EPHA8: variants seen among roughly 807,000 people sequenced by gnomAD.
The protein encoded by EPHA8 is ephrin type-A receptor 8.
In EPHA8, 58 loss-of-function variants were observed where a neutral mutation model predicts 103.6. The ratio of observed to expected loss-of-function variants is 0.56; its 90% CI spans 0.45 to 0.70. The LOEUF (loss-of-function observed/expected upper bound fraction) is 0.70, where lower values mean the gene tolerates loss of function less well. Ranked by LOEUF, EPHA8 falls within the 30% of genes least tolerant of loss-of-function variation. The pLI, the probability that EPHA8 is intolerant of heterozygous loss-of-function variation, is 0.00. For synonymous variants in EPHA8, 559 were observed against 572.5 expected, an observed-to-expected ratio of 0.98 and a Z score of 0.34; for missense variants, 1,304 against 1,395.2, an observed-to-expected ratio of 0.93 and a Z score of 1.04.
intron 13 of EPHA8, 93 bp from the exon 14 acceptor site, chr1:22,600,568 C>A: frequency 6.6e-7 from 1 of 1,518,212 alleles, no homozygotes; most frequent in Non-Finnish European, 8.9e-7. Flanking sequence ...GACTGGAAAA[C>A]AGGACCCCAG....
In EPHA8 at chr1:22,569,375, C is replaced by T. The variant is rs1187818148; in HGVS notation, c.159+22C>T. On this transcript the variant is annotated intron_variant, in intron 2 of 16. Transcript: ENST00000166244. The surrounding 1 kb of genome is among the most constrained non-coding windows in gnomAD (Gnocchi z 4.5). ...TGGGGTGAGTGATGGGCACTGGGGA[C>T]AACGTCATCCCTCTGTGAGCAGAGA... The T allele has an allele frequency of 6.4e-7, 1 of 1,568,366 alleles. No homozygotes were observed. Among genetic ancestry groups the T allele is most frequent in the Non-Finnish European group, 8.6e-7 (1 of 1,158,222 alleles).
intron 3 of EPHA8, among the ~76,000 whole-genome samples, chr1:22,579,073 G>T (rs1473287631): frequency 7.7e-6 from 1 of 129,272 alleles, no homozygotes; most frequent in Non-Finnish European, 1.7e-5. Flanking sequence ...ATGCATGTGT[G>T]TGCATGTGTA....
In EPHA8 at chr1:22,593,124, A is replaced by T. The variant is rs565038490; in HGVS notation, c.1316-202A>T. ...ATCCCAGACCATGCCAGGCCACGCC[A>T]ACCCCAGGGGACTGACCCCAAGTGG... is the stretch of plus-strand genomic sequence containing the variant. On this transcript the variant is annotated intron_variant, in intron 5 of 16. Coordinates refer to ENST00000166244, the MANE Select transcript of EPHA8 (RefSeq NM_020526.5). Among the ~76,000 whole-genome samples the T allele has an allele frequency of 4.6e-5, 7 of 152,260 alleles. No homozygotes were observed. In the East Asian group the frequency reaches 1.2e-3, roughly 25 times the overall value.
At chr1:22,593,238 A>AGG in intron 5 of EPHA8, 88 bp from the exon 6 acceptor site, 1 of 1,500,968 alleles carries the variant, frequency 6.7e-7, no homozygotes, top group Non-Finnish European at 9.0e-7. Context: ...GGCTGGAACC[A>AGG]GGATCCCCAG....
At position 22,593,660 on chromosome 1, in the gene EPHA8, C is replaced by A; in HGVS notation, c.1577C>A (p.Ala526Asp). Residue 526 changes from alanine to aspartate, a missense_variant, in exon 7 of 17, where the codon GCC (alanine) becomes GAC (aspartate). Physicochemically the swap from Ala to Asp is moderately radical, Grantham distance 126 (BLOSUM62 -2). Transcript: ENST00000166244. ...TSAGCGRFSQ[A>D]MEVETGKPRP... ...GCAGGCTGTGGCCGCTTCAGCCAGG[C>A]CATGGAGGTGGAGACCGGGAAACCC... The A allele has an allele frequency of 6.2e-7, 1 of 1,602,598 alleles. No homozygotes were observed. The highest frequency in any genetic ancestry group is 8.5e-7 in the Non-Finnish European group (1 of 1,174,884).
intron 4 of EPHA8, among the ~76,000 whole-genome samples, chr1:22,587,390 C>CGT (rs368238363): frequency 2.0e-5 from 3 of 152,088 alleles, no homozygotes; most frequent in Admixed American, 6.5e-5. Flanking sequence ...GAGCTCAGCA[C>CGT]GTGTGTGTGT....
intron 2 of EPHA8, among the ~76,000 whole-genome samples, chr1:22,571,413 C>A (rs1009365895): frequency 6.6e-6 from 1 of 152,182 alleles, no homozygotes; most frequent in Non-Finnish European, 1.5e-5. Context: ...CATCATCAAG[C>A]AGGTTCCAGC....
chr1:22,588,618 C>T (rs608707), intron 4 of EPHA8, among the ~76,000 whole-genome samples: 6,696 of 141,148 alleles, frequency 0.047, 552 homozygotes, highest in African/African-American at 0.17. Context: ...TCATGGTGGT[C>T]CTGATGGGTG....
At chr1:22,595,121 C>G in intron 7 of EPHA8, 109 bp from the exon 8 acceptor site, 1 of 841,100 alleles carries the variant, frequency 1.2e-6, no homozygotes, top group Non-Finnish European at 1.8e-6. Context: ...GCTCTGGGCT[C>G]CCCACTGGCC....
chr1:22,580,351 C>T lies in EPHA8; in HGVS notation c.823+3471C>T, dbSNP rs1444617772. ...ACAAGATTTCACCATGTTGGCCAGG[C>T]TGGTCTCAAACTCCTGACCTCAAGT... On this transcript the variant is annotated intron_variant, in intron 3 of 16. Transcript: ENST00000166244. 3.3e-5 allele frequency among the ~76,000 whole-genome samples: 5 copies of T among 152,138 alleles called. No individual in the cohort carries two copies. The East Asian group carries it at 7.7e-4, about 24-fold the overall frequency.
At chr1:22,595,409 C>T (rs935629275) in intron 8 of EPHA8, 86 bp downstream of exon 8, 8 of 1,107,076 alleles carry the variant, frequency 7.2e-6, no homozygotes, top group Non-Finnish European at 9.3e-6. Flanking sequence ...AGCCGGTGGT[C>T]CCCGTGTGCC....
intron 3 of EPHA8, among the ~76,000 whole-genome samples, chr1:22,578,337 TATGCATGTGTGTATGTGTGC>T (rs1640841740): frequency 6.6e-6 from 1 of 150,676 alleles, no homozygotes; most frequent in South Asian, 2.1e-4. Context: ...TGCATGAGTG[TATGCATGTGTGTATGTGTGC>T]GTGCATGTGT....
chr1:22,582,935 G>A (rs1641085998), intron 3 of EPHA8, among the ~76,000 whole-genome samples: 1 of 152,250 alleles, frequency 6.6e-6, no homozygotes, highest in African/African-American at 2.4e-5. Context: ...GGGGGAGCAG[G>A]AACAGTGAGC....
At chr1:22,582,272 G>A (rs1055753154) in intron 3 of EPHA8, among the ~76,000 whole-genome samples, 8 of 152,260 alleles carry the variant, frequency 5.3e-5, no homozygotes. Context: ...GTGGAGTCAG[G>A]GGGTCTCAGC....
Position 22,598,899 on chromosome 1 carries a change from G to A in EPHA8, c.2240G>A (p.Gly747Asp). ...GGCATGCTGAGAGGAGTGGGTGCCG[G>A]CATGCGCTACCTCTCAGACCTGGGC... is the stretch of plus-strand genomic sequence containing the variant. ...LVGMLRGVGA[G>D]MRYLSDLGYV... Residue 747 changes from glycine (G) to aspartate (D), a missense_variant, in exon 13 of 17, where the codon GGC (glycine) becomes GAC (aspartate). Coordinates refer to ENST00000166244, the MANE Select transcript of EPHA8 (RefSeq NM_020526.5). This position sits in a 1 kb window ranked among gnomAD's most constrained non-coding sequence, Gnocchi z 5.1. 6.2e-7 allele frequency: 1 copy of A among 1,612,954 alleles called. No individual in the cohort carries two copies. The highest frequency in any genetic ancestry group is 8.5e-7 in the Non-Finnish European group (1 of 1,179,938).
intron 5 of EPHA8, among the ~76,000 whole-genome samples, chr1:22,592,693 C>A (rs1255968181): frequency 6.6e-6 from 1 of 152,132 alleles, no homozygotes; most frequent in Non-Finnish European, 1.5e-5. Flanking sequence ...GGCCTGAGGG[C>A]TGGAGGGGCA....
chr1:22,570,465 C>T (rs1010859380), intron 2 of EPHA8, among the ~76,000 whole-genome samples: 1 of 152,274 alleles, frequency 6.6e-6, no homozygotes, highest in East Asian at 1.9e-4. Flanking sequence ...TTCATGTCCA[C>T]GTTCAGCTTC....
Position 22,601,799 on chromosome 1 carries a change from A to G in EPHA8, c.*58A>G. ...GCCCACCCCAGGTCATGCCAGCGGC[A>G]GAGGACGTGAGGGGCTGGCAGCAGG... On this transcript the variant is annotated 3_prime_UTR_variant, in exon 17 of 17. Transcript: ENST00000166244. 6.8e-7 allele frequency: 1 copy of G among 1,480,630 alleles called. No individual in the cohort carries two copies. The highest frequency in any genetic ancestry group is 9.2e-7 in the Non-Finnish European group (1 of 1,091,228). The allele number at this position is 1,480,630 out of a possible 1,614,324, so 91.7% of individuals were successfully genotyped here.
At chr1:22,596,079 C>T (rs200156437) in intron 8 of EPHA8, 27 bp from the exon 9 acceptor site, 8 of 1,612,462 alleles carry the variant, frequency 5.0e-6, no homozygotes, top group Non-Finnish European at 6.8e-6. Flanking sequence ...GGCCTGGCCT[C>T]AGGCAGGGCG....
Sources: allele counts gnomAD v4.1 joint callset (sites outside exome capture counted in the v4.1 genomes callset), GRCh38; gene constraint gnomAD v4.1.1; non-coding constraint Gnocchi (gnomAD v3.1); transcripts MANE v1.5; gene names NCBI Gene and HGNC (gene_info 2026-07-23, HGNC 2026-07-21).